Variants in CCDC187 observed in about 807,000 individuals in gnomAD.
The protein encoded by CCDC187 is coiled-coil domain-containing protein 187.
CCDC187 carries 32 observed loss-of-function variants against 38.0 expected under a neutral mutation model. That is an observed-to-expected ratio of 0.84 (90% CI 0.64 to 1.13). CCDC187 has a LOEUF of 1.13. CCDC187 is among the 50% of genes most tolerant of loss of function. The probability of loss-of-function intolerance (pLI) is 0.00; values close to 1 mark genes in which losing one functional copy is unlikely to be tolerated. For synonymous variants in CCDC187, 333 were observed against 347.9 expected (o/e 0.96, Z 0.48); for missense variants, 707 against 786.8 (o/e 0.90, Z 1.21).
intron 14 of CCDC187, among the ~76,000 whole-genome samples, chr9:136,270,614 T>A (rs1197210899): frequency 6.6e-6 from 1 of 152,176 alleles, no homozygotes; most frequent in Non-Finnish European, 1.5e-5. Flanking sequence ...AGGGAGGGGT[T>A]TAGGCCTCCG....
chr9:136,293,292 C>T lies in CCDC187; in HGVS notation c.833-997G>A, dbSNP rs1228980292. On this transcript the variant is annotated intron_variant, in intron 4 of 25. Transcript: ENST00000638797. ...GCTTTCACACTAACATGCTCACACA[C>T]TCACAAACACATGTTCACACACTCA... Among the ~76,000 whole-genome samples the T allele has an allele frequency of 2.6e-5, 4 of 151,442 alleles. 1 individual carries two copies. Among genetic ancestry groups the T allele is most frequent in the Non-Finnish European group, 2.9e-5 (2 of 67,904 alleles).
At chr9:136,298,387 A>AG (rs1384831332) in intron 3 of CCDC187, among the ~76,000 whole-genome samples, 1 of 151,880 alleles carries the variant, frequency 6.6e-6, no homozygotes, top group Non-Finnish European at 1.5e-5. Flanking sequence ...GGAGAGCCCG[A>AG]GGGGGCGGAG....
chr9:136,297,767 G>A lies in CCDC187; in HGVS notation c.779C>T (p.Thr260Ile), dbSNP rs1447784062. 12 of 383,198 alleles carry A rather than the reference G, an allele frequency of 3.1e-5. No homozygotes were observed. The highest frequency in any genetic ancestry group is 5.1e-5 in the Non-Finnish European group (11 of 216,208). The allele number at this position is 383,198 out of a possible 1,614,324, so 23.7% of individuals were successfully genotyped here. A position where few individuals can be genotyped will look rare whatever the true frequency, so the allele number is the denominator to read the frequency against. Residue 260 changes from threonine to isoleucine, a missense_variant, in exon 4 of 26, where the codon ACC becomes ATC. By Grantham distance (89) the Thr-to-Ile change is moderately conservative. Transcript: ENST00000638797. ...TCTTCTAGGGGAGGGCAACTTGGGGGTCTTCTCTCTTTTGCAAGAACTGCT... is the reference window on the plus strand; with the variant it reads ...TCTTCTAGGGGAGGGCAACTTGGGGATCTTCTCTCTTTTGCAAGAACTGCT... ...VKSSSCKREK[T>I]PKLPSPRRAA...
chr9:136,284,263 TC>T (rs1455011545), intron 9 of CCDC187, among the ~76,000 whole-genome samples: 3 of 152,082 alleles, frequency 2.0e-5, no homozygotes, highest in African/African-American at 7.2e-5. Flanking sequence ...GTGTCTGCCC[TC>T]ATGCCCTCGG....
chr9:136,255,917 G>C (rs1353677031), intron 24 of CCDC187, among the ~76,000 whole-genome samples, 184 bp from the exon 25 acceptor site: 1 of 152,162 alleles, frequency 6.6e-6, no homozygotes, highest in Non-Finnish European at 1.5e-5. Flanking sequence ...CTTGTCTTTG[G>C]GGGCATCCAG....
chr9:136,269,261 T>C (rs1055478866), intron 14 of CCDC187, among the ~76,000 whole-genome samples: 1 of 152,256 alleles, frequency 6.6e-6, no homozygotes, highest in Non-Finnish European at 1.5e-5. Flanking sequence ...AGCCCCAGGC[T>C]GAGCACTGAT....
chr9:136,281,736 C>A (rs1831048428), intron 9 of CCDC187, 73 bp from the exon 10 acceptor site: 2 of 398,322 alleles, frequency 5.0e-6, no homozygotes. Flanking sequence ...ATCCGGGGGA[C>A]AGCCCCTCAT....
rs1831318625 is a variant in CCDC187, at chr9:136,291,151, G to C, written c.1462C>G (p.Gln488Glu). Residue 488 changes from glutamine (Q) to glutamate (E), a missense_variant, in exon 6 of 26, where the codon CAG (glutamine) becomes GAG (glutamate). Physicochemically the swap from Gln to Glu is conservative, Grantham distance 29 (BLOSUM62 2). Transcript: ENST00000638797. ...CCAGCCAGTGCACTCCAGGGCCTCT[G>C]GGAGAAGTGGCCCAACCTCTCATGG... ...SPHERLGHFS[Q>E]RPWSALAGQA... is the part of the protein sequence containing the mutation. The C allele has an allele frequency of 2.5e-6, 1 of 398,502 alleles. No homozygotes were observed. The allele number at this position is 398,502 out of a possible 1,614,324, so 24.7% of individuals were successfully genotyped here.
rs1002035748 is a variant in CCDC187, at chr9:136,255,055, G to A, written c.4773C>T (p.Cys1591=). Residue 1591 remains cysteine, a synonymous_variant, in exon 26 of 26, where the codon TGC becomes TGT. Transcript: ENST00000638797. ...GSPLLPTTSS[C]GPGSESASGT... ...CAGAAGCAGACTCAGAGCCTGGACC[G>A]CAGGAGGAGGTGGTGGGGAGAAGGG... 1.3e-5 allele frequency: 13 copies of A among 985,432 alleles called. No homozygotes were observed. In the East Asian group the frequency reaches 4.5e-4, roughly 34 times the overall value. 61.0% of individuals were successfully genotyped at this position (985,432 alleles called of 1,614,324 possible).
chr9:136,257,075 G>A lies in CCDC187; in HGVS notation c.4367-234C>T, dbSNP rs72775711. ...CCAGCCAAAAGTTTAGAGAAAATTC[G>A]TTTAGAATTCAGAGGCCGGCTGGGC... On this transcript the variant is annotated intron_variant, in intron 22 of 25. Transcript: ENST00000638797. This position sits in a 1 kb window ranked among gnomAD's most constrained non-coding sequence, Gnocchi z 4.5. 2.4e-3 allele frequency among the ~76,000 whole-genome samples: 373 copies of A among 152,296 alleles called. 1 individual carries two copies. Among genetic ancestry groups the A allele is most frequent in the Non-Finnish European group, 4.5e-3 (309 of 68,020 alleles).
chr9:136,251,788 G>T lies in CCDC187; in HGVS notation c.*1806C>A. On this transcript the variant is annotated 3_prime_UTR_variant, in exon 26 of 26. Transcript: ENST00000638797. The stretch of plus-strand genomic sequence containing the variant: ...GCGAAGAAGCAGGTGTGCAGTCCGG[G>T]CCTGGCTTCAGGTGACCGTCCCGCG... 1 of 154,166 alleles carries T rather than the reference G, an allele frequency of 6.5e-6. No individual in the cohort carries two copies. Among genetic ancestry groups the T allele is most frequent in the Non-Finnish European group, 1.4e-5 (1 of 69,040 alleles). The allele number at this position is 154,166 out of a possible 1,614,324, so 9.5% of individuals were successfully genotyped here. A position where few individuals can be genotyped will look rare whatever the true frequency, so the allele number is the denominator to read the frequency against.
chr9:136,293,570 C>T (rs1242450440), intron 4 of CCDC187, among the ~76,000 whole-genome samples: 1 of 152,014 alleles, frequency 6.6e-6, no homozygotes, highest in African/African-American at 2.4e-5. Context: ...CTGTCACACA[C>T]GTGCCCACAA....
chr9:136,306,549 G>A (rs1354010396), upstream of CCDC187, among the ~76,000 whole-genome samples: 1 of 152,132 alleles, frequency 6.6e-6, no homozygotes, highest in Non-Finnish European at 1.5e-5. Flanking sequence ...CTTATCTTAC[G>A]TCGTCTCAGG....
intron 14 of CCDC187, among the ~76,000 whole-genome samples, chr9:136,272,031 G>C (rs1270882554): frequency 6.6e-6 from 1 of 152,140 alleles, no homozygotes; most frequent in Non-Finnish European, 1.5e-5. Flanking sequence ...TGTCTTCAAA[G>C]TACTGAAAGG....
At chr9:136,305,367 C>T (rs1831784401), upstream of CCDC187, among the ~76,000 whole-genome samples, 1 of 152,194 alleles carries the variant, frequency 6.6e-6, no homozygotes, top group Non-Finnish European at 1.5e-5. Flanking sequence ...GCCTGAACGG[C>T]TCTCAGGCAC....
chr9:136,283,978 GGGCACAACCCAAA>G (rs1227772701), intron 9 of CCDC187, among the ~76,000 whole-genome samples: 2 of 152,258 alleles, frequency 1.3e-5, no homozygotes, highest in South Asian at 2.1e-4. Context: ...GAGTGAGATG[GGGCACAACCCAAA>G]GGCCCTGGCG....
intron 4 of CCDC187, among the ~76,000 whole-genome samples, chr9:136,292,974 C>T (rs1413090936): frequency 1.3e-5 from 2 of 152,226 alleles, no homozygotes; most frequent in Admixed American, 6.5e-5. Flanking sequence ...TGGCACTTCA[C>T]AGCCCAGCTC....
At chr9:136,262,253 CAG>C (rs1830688180) in intron 19 of CCDC187, 56 bp downstream of exon 19, 1 of 985,634 alleles carries the variant, frequency 1.0e-6, no homozygotes, top group African/African-American at 1.7e-5. Context: ...AAAGGCTTCT[CAG>C]GGGAACATCA....
rs1312690872 is a variant in CCDC187, at chr9:136,257,122, C to T, written c.4367-281G>A. 2.6e-5 allele frequency among the ~76,000 whole-genome samples: 4 copies of T among 152,204 alleles called. No homozygotes were observed. The East Asian group carries it at 5.8e-4, about 22-fold the overall frequency. On this transcript the variant is annotated intron_variant, in intron 22 of 25. Coordinates refer to ENST00000638797, the MANE Select transcript of CCDC187 (RefSeq NM_001378188.1). The surrounding 1 kb of genome is among the most constrained non-coding windows in gnomAD (Gnocchi z 4.5). Reference sequence around the variant, plus strand: ...GGGCGCAGTGGCTCACGCCTATAATCCCAGCACTCTGGGAGGCCGAGGCGG... The same window carrying T: ...GGGCGCAGTGGCTCACGCCTATAATTCCAGCACTCTGGGAGGCCGAGGCGG...
Sources: gnomAD v4.1 joint callset for allele counts (sites outside exome capture counted in the v4.1 genomes callset) on GRCh38, gnomAD v4.1.1 for gene constraint, Gnocchi (gnomAD v3.1) non-coding constraint, MANE v1.5 for transcripts, NCBI Gene and HGNC (gene_info 2026-07-23, HGNC 2026-07-21) for gene names.